The following SLX4 variants were observed in gnomAD, a reference collection of about 807,000 sequenced individuals.
SLX4 encodes structure-specific endonuclease subunit SLX4.
SLX4 carries 112 observed loss-of-function variants against 146.2 expected under a neutral mutation model. That is an observed-to-expected ratio of 0.77 (90% CI 0.66 to 0.90). The LOEUF (loss-of-function observed/expected upper bound fraction) is 0.90, where lower values mean the gene tolerates loss of function less well. SLX4 is among the 40% of genes least tolerant of loss of function. SLX4 has a pLI of 0.00. For synonymous variants in SLX4, 1,061 were observed against 997.7 expected, an observed-to-expected ratio of 1.06 and a Z score of -1.20; for missense variants, 2,563 against 2,392.7, an observed-to-expected ratio of 1.07 and a Z score of -1.49.
At position 3,589,695 on chromosome 16, in the gene SLX4, T is replaced by G; in HGVS notation, c.3943A>C (p.Thr1315Pro). The G allele has an allele frequency of 6.2e-7, 1 of 1,613,852 alleles. No homozygotes were observed. Among genetic ancestry groups the G allele is most frequent in the Non-Finnish European group, 8.5e-7 (1 of 1,179,996 alleles). ...AQKFSVIRPQ[T>P]PPPQTPSSCL... ...GAGGACGGTGTCTGGGGCGGTGGTG[T>G]CTGGGGCCTGATGACAGAAAACTTC... Residue 1315 changes from threonine to proline, a missense_variant, in exon 12 of 15, where the codon ACA (threonine) becomes CCA (proline). Coordinates refer to ENST00000294008, the MANE Select transcript of SLX4 (RefSeq NM_032444.4). This position sits in a 1 kb window ranked among gnomAD's most constrained non-coding sequence, Gnocchi z 6.2.
chr16:3,607,269 C>T (rs1358432322), intron 2 of SLX4, among the ~76,000 whole-genome samples: 1 of 152,016 alleles, frequency 6.6e-6, no homozygotes, highest in Non-Finnish European at 1.5e-5. Flanking sequence ...GCACGAGAGA[C>T]CAGTAAAGTT....
At position 3,582,024 on chromosome 16, in the gene SLX4, C is replaced by CA. The variant is rs2040441361; in HGVS notation, c.*317dup. 1 of 412,708 alleles carries CA rather than the reference C, an allele frequency of 2.4e-6. No individual in the cohort carries two copies. Among genetic ancestry groups the CA allele is most frequent in the Admixed American group, 4.0e-5 (1 of 25,168 alleles). 25.6% of individuals were successfully genotyped at this position (412,708 alleles called of 1,614,324 possible). Reference sequence around the variant, plus strand: ...TGCCACTGCACTCCAGCCTAGGTGACACAGCACGACTGTCTCAAAAAGAAA... The same window carrying CA: ...TGCCACTGCACTCCAGCCTAGGTGACAACAGCACGACTGTCTCAAAAAGAAA... On this transcript the variant is annotated 3_prime_UTR_variant, in exon 15 of 15. Transcript: ENST00000294008.
rs1388451644 is a variant in SLX4, at chr16:3,597,101, G to A, written c.1683+278C>T. Among the ~76,000 whole-genome samples the A allele has an allele frequency of 1.3e-5, 2 of 152,148 alleles. No homozygotes were observed. Among genetic ancestry groups the A allele is most frequent in the African/African-American group, 2.4e-5 (1 of 41,442 alleles). On this transcript the variant is annotated intron_variant, in intron 7 of 14. Coordinates refer to ENST00000294008, the MANE Select transcript of SLX4 (RefSeq NM_032444.4). This position sits in a 1 kb window ranked among gnomAD's most constrained non-coding sequence, Gnocchi z 4.4. The stretch of plus-strand genomic sequence containing the variant: ...CTCCCAAAGTGCAGGGATTACGGGC[G>A]TGAGCCACTGCGCCCGGCCGGGACT...
intron 3 of SLX4, among the ~76,000 whole-genome samples, chr16:3,605,639 A>G (rs1212037154): frequency 6.6e-6 from 1 of 152,158 alleles, no homozygotes; most frequent in Non-Finnish European, 1.5e-5. Flanking sequence ...CTTTCATAAT[A>G]AAAAGTCATA....
At chr16:3,605,266 T>G (rs1356656804) in intron 3 of SLX4, among the ~76,000 whole-genome samples, 5 of 152,084 alleles carry the variant, frequency 3.3e-5, no homozygotes, top group Admixed American at 6.5e-5. Flanking sequence ...ATTTTTTGTA[T>G]TTTTCATAGA....
At chr16:3,601,632 G>GA (rs1293637037) in intron 4 of SLX4, 1 of 312,636 alleles carries the variant, frequency 3.2e-6, no homozygotes, top group African/African-American at 2.2e-5. Flanking sequence ...CATACAATGA[G>GA]ATACTGCTCA....
At chr16:3,593,184 G>C (rs953753172) in intron 10 of SLX4, among the ~76,000 whole-genome samples, 9 of 152,054 alleles carry the variant, frequency 5.9e-5, no homozygotes, top group Non-Finnish European at 1.3e-4. Flanking sequence ...GTATTCTCCT[G>C]CCTCAGCCTC....
chr16:3,605,391 T>C lies in SLX4; in HGVS notation c.760+1083A>G, dbSNP rs1310766414. On this transcript the variant is annotated intron_variant, in intron 3 of 14. Coordinates refer to ENST00000294008, the MANE Select transcript of SLX4 (RefSeq NM_032444.4). ...GGCGTGAGCCACCACGCCTGGCCCC[T>C]AAAATTTTTTTGTAGAGATGGGGGT... Among the ~76,000 whole-genome samples, 3 of 151,592 alleles carry C rather than the reference T, an allele frequency of 2.0e-5. No individual in the cohort carries two copies. In the East Asian group the frequency reaches 5.9e-4, roughly 30 times the overall value.
chr16:3,583,587 A>G (rs1301697249), intron 13 of SLX4, 77 bp from the exon 14 acceptor site: 2 of 1,513,860 alleles, frequency 1.3e-6, no homozygotes, highest in East Asian at 2.3e-5. Flanking sequence ...CTTAGCAAAG[A>G]GTGATACCCA....
At position 3,588,987 on chromosome 16, in the gene SLX4, C is replaced by G. The variant is rs776671572; in HGVS notation, c.4636+15G>C. The G allele has an allele frequency of 1.2e-6, 2 of 1,613,928 alleles. No individual in the cohort carries two copies. Among genetic ancestry groups the G allele is most frequent in the East Asian group, 2.2e-5 (1 of 44,888 alleles). On this transcript the variant is annotated intron_variant, in intron 12 of 14. Transcript: ENST00000294008. ...ACAAAGACAGTCCCCTTCCCCAGCT[C>G]TCCTGGCTACTCACTGGGTGTCTCT...
chr16:3,587,491 C>A lies in SLX4; in HGVS notation c.4636+1511G>T, dbSNP rs116384213. Among the ~76,000 whole-genome samples, 1,359 of 152,236 alleles carry A rather than the reference C, an allele frequency of 8.9e-3. 21 individuals carry two copies. Among genetic ancestry groups the A allele is most frequent in the African/African-American group, 0.031 (1,302 of 41,542 alleles). On this transcript the variant is annotated intron_variant, in intron 12 of 14. Coordinates refer to ENST00000294008, the MANE Select transcript of SLX4 (RefSeq NM_032444.4). ...AGCCTGGTGACACATTGGAAACAGT[C>A]AGACTTTGGTTCTTCTGCCTTTTAT...
At position 3,594,566 on chromosome 16, in the gene SLX4, CGCCAAAGTCA is replaced by C. The variant is rs1567172466; in HGVS notation, c.2037_2046del (p.Asp680ProfsTer8). 1.4e-5 allele frequency: 22 copies of C among 1,614,058 alleles called. No homozygotes were observed. Among genetic ancestry groups the C allele is most frequent in the Non-Finnish European group, 1.9e-5 (22 of 1,180,012 alleles). On this transcript the variant is annotated frameshift_variant, in exon 10 of 15. Transcript: ENST00000294008. LOFTEE classifies it high-confidence loss of function. The stretch of plus-strand genomic sequence containing the variant: ...CTCAGGTGTGGGTTATTGACCATGG[CGCCAAAGTCA>C]GCAACCAGCAGCCCGAGGGAGAGCT...
chr16:3,600,645 G>A, intron 5 of SLX4: 2 of 286,252 alleles, frequency 7.0e-6, no homozygotes, highest in Non-Finnish European at 1.3e-5. Flanking sequence ...ACTCTGTCCA[G>A]GCTGGAGTGC....
At position 3,589,028 on chromosome 16, in the gene SLX4, T is replaced by A; in HGVS notation, c.4610A>T (p.Gln1537Leu). Residue 1537 changes from glutamine (Q) to leucine (L), a missense_variant, in exon 12 of 15, where the codon CAG (glutamine) becomes CTG (leucine). Transcript: ENST00000294008. The surrounding 1 kb of genome is among the most constrained non-coding windows in gnomAD (Gnocchi z 6.2). ...GGGTGTCTCTAACCCTTCGGGCTTC[T>A]GAGCTCCACCAGCGCTTGGCATCTG... Reference protein sequence around the residue: ...PAQMPSAGGAQKPEGLETPKG... With the variant: ...PAQMPSAGGALKPEGLETPKG... The A allele has an allele frequency of 6.2e-7, 1 of 1,614,094 alleles. No homozygotes were observed. The highest frequency in any genetic ancestry group is 8.5e-7 in the Non-Finnish European group (1 of 1,179,986).
At chr16:3,594,277 C>T (rs541130693) in intron 10 of SLX4, among the ~76,000 whole-genome samples, 176 bp downstream of exon 10, 1 of 152,096 alleles carries the variant, frequency 6.6e-6, no homozygotes, top group East Asian at 1.9e-4. Context: ...CTCTTCTCCA[C>T]GTGTTGCAGA....
rs996814824 is a variant in SLX4, at chr16:3,609,418, T to G, written c.-454A>C. The G allele has an allele frequency of 1.8e-5, 3 of 164,826 alleles. No individual in the cohort carries two copies. Among genetic ancestry groups the G allele is most frequent in the Non-Finnish European group, 4.0e-5 (3 of 74,376 alleles). 10.2% of individuals were successfully genotyped at this position (164,826 alleles called of 1,614,324 possible). ...AGCAAAACTCTGTCTCAAAAAATAA[T>G]AATAATAAATAAATAAAGTTCACAA... On this transcript the variant is annotated 5_prime_UTR_variant, in exon 2 of 15. Coordinates refer to ENST00000294008, the MANE Select transcript of SLX4 (RefSeq NM_032444.4).
Position 3,583,213 on chromosome 16 carries a change from G to A in SLX4, c.5037C>T (p.Ser1679=), listed in dbSNP as rs937014008. Residue 1679 remains serine (S), a synonymous_variant, in exon 14 of 15, where the codon AGC becomes AGT. Coordinates refer to ENST00000294008, the MANE Select transcript of SLX4 (RefSeq NM_032444.4). Reference sequence around the variant, plus strand: ...GAGGTGCCTCCTTGGTGGGCGACCTGCTTGGGGGTGTGATGCTTTCATGAT... The same window carrying A: ...GAGGTGCCTCCTTGGTGGGCGACCTACTTGGGGGTGTGATGCTTTCATGAT... ...RKHHESITPP[S]RSPTKEAPPG... is the part of the protein sequence containing the mutation. 1 of 1,614,236 alleles carries A rather than the reference G, an allele frequency of 6.2e-7. No homozygotes were observed.
In SLX4 at chr16:3,606,640, T is replaced by C. The variant is rs774145871; in HGVS notation, c.594A>G (p.Pro198=). 6.2e-7 allele frequency: 1 copy of C among 1,614,214 alleles called. No individual in the cohort carries two copies. The highest frequency in any genetic ancestry group is 1.1e-5 in the South Asian group (1 of 91,086). The change falls in exon 3 of 15, where the codon CCA becomes CCG. Residue 198 remains proline (P), a synonymous_variant. Transcript: ENST00000294008. ...PPPSCLTTAV[P]SPSKPRTAQL... ...GTGCTGTGCGGGGTTTGGAGGGACT[T>C]GGCACTGCTGTTGTCAAACAGGAAG...
In SLX4 at chr16:3,589,228, CG is replaced by C. The variant is rs758584521; in HGVS notation, c.4409del (p.Pro1470ArgfsTer37). ...EAADSRDCRSPGLLDTTPIRG... is the reference protein window; with the variant it reads ...EAADSRDCRSXGLLDTTPIRG... ...GGATGGGGGTGGTGTCCAGGAGTCC[CG>C]GGGAGCGACAGTCACGGCTGTCGGC... On this transcript the variant is annotated frameshift_variant, in exon 12 of 15. Coordinates refer to ENST00000294008, the MANE Select transcript of SLX4 (RefSeq NM_032444.4). LOFTEE classifies it high-confidence loss of function. This position sits in a 1 kb window ranked among gnomAD's most constrained non-coding sequence, Gnocchi z 6.2. 5 of 1,610,180 alleles carry C rather than the reference CG, an allele frequency of 3.1e-6. No homozygotes were observed. Among genetic ancestry groups the C allele is most frequent in the Middle Eastern group, 3.3e-4 (2 of 6,038 alleles).
Sources: gnomAD v4.1 joint callset for allele counts (sites outside exome capture counted in the v4.1 genomes callset) on GRCh38, gnomAD v4.1.1 for gene constraint, Gnocchi (gnomAD v3.1) non-coding constraint, MANE v1.5 for transcripts, NCBI Gene and HGNC (gene_info 2026-07-23, HGNC 2026-07-21) for gene names.